The following DGKG variants were observed in gnomAD, a reference collection of about 807,000 sequenced individuals.
DGKG encodes diacylglycerol kinase gamma.
DGKG carries 78 observed loss-of-function variants against 105.3 expected under a neutral mutation model. The ratio of observed to expected loss-of-function variants is 0.74; its 90% CI spans 0.62 to 0.89. The LOEUF (loss-of-function observed/expected upper bound fraction) is 0.89. Ranked by LOEUF, DGKG falls within the 40% of genes least tolerant of loss-of-function variation. The probability of loss-of-function intolerance (pLI) is 0.00; values close to 1 mark genes in which losing one functional copy is unlikely to be tolerated. For missense variants in DGKG, 958 were observed against 1,020.1 expected (o/e 0.94, Z 0.83); for synonymous variants, 346 against 367.1 (o/e 0.94, Z 0.66).
intron 22 of DGKG, among the ~76,000 whole-genome samples, chr3:186,182,238 A>G (rs1395388237): frequency 1.3e-5 from 2 of 152,172 alleles, no homozygotes; most frequent in Non-Finnish European, 1.5e-5. Context: ...AATAGATGAA[A>G]TCCTGAAGCC....
chr3:186,235,143 AACATTCAAGTAATTAAG>A (rs1271707441), intron 20 of DGKG, among the ~76,000 whole-genome samples: 1 of 152,244 alleles, frequency 6.6e-6, no homozygotes, highest in African/African-American at 2.4e-5. Flanking sequence ...TTAGTATATA[AACATTCAAGTAATTAAG>A]TCAGTTGCTC....
chr3:186,302,175 T>C (rs1003315373), intron 3 of DGKG, among the ~76,000 whole-genome samples: 1 of 152,108 alleles, frequency 6.6e-6, no homozygotes, highest in African/African-American at 2.4e-5. Context: ...TAGTTGTTTG[T>C]GACAGACCTT....
chr3:186,267,756 A>T lies in DGKG; in HGVS notation c.1138T>A (p.Ser380Thr). 6.2e-7 allele frequency: 1 copy of T among 1,614,098 alleles called. No homozygotes were observed. Among genetic ancestry groups the T allele is most frequent in the Non-Finnish European group, 8.5e-7 (1 of 1,179,926 alleles). Residue 380 changes from serine to threonine, a missense_variant, in exon 13 of 25, where the codon TCA becomes ACA. By Grantham distance (58) the Ser-to-Thr change is moderately conservative. Around this residue, in one of 2 missense-constraint regions of DGKG, gnomAD observed 643 missense variants for 619.5 expected, o/e 1.04. Coordinates refer to ENST00000265022, the MANE Select transcript of DGKG (RefSeq NM_001346.3). ...AGTTCCCCACCGTCACACAACGTTG[A>T]TAATTCACATTTGCGGTGAAACTGG... ...RMTFHRKCEL[S>T]TLCDGGELRD... is the part of the protein sequence containing the mutation.
rs1177958964 is a variant in DGKG, at chr3:186,297,064, T to TCA, written c.373+356_373+357insTG. Among the ~76,000 whole-genome samples, 6 of 78,504 alleles carry TCA rather than the reference T, an allele frequency of 7.6e-5. No homozygotes were observed. The Admixed American group carries it at 8.3e-4, about 11-fold the overall frequency. 51.5% of individuals were successfully genotyped at this position (78,504 alleles called of 152,430 possible). On this transcript the variant is annotated intron_variant, in intron 5 of 24. Coordinates refer to ENST00000265022, the MANE Select transcript of DGKG (RefSeq NM_001346.3). ...ACCTCTCTCTGTCTGTCTGTCTGTC[T>TCA]CTCTCACACACACACACACACACAC...
chr3:186,273,633 A>G (rs1164929015), intron 10 of DGKG, among the ~76,000 whole-genome samples: 3 of 152,058 alleles, frequency 2.0e-5, no homozygotes, highest in Non-Finnish European at 4.4e-5. Flanking sequence ...TTGGCCTCCC[A>G]AAGTGCTGGG....
chr3:186,228,559 T>A (rs1204442312), intron 20 of DGKG, among the ~76,000 whole-genome samples: 1 of 152,142 alleles, frequency 6.6e-6, no homozygotes, highest in Non-Finnish European at 1.5e-5. Flanking sequence ...ACCAGCGAGA[T>A]CTGCTGCAAC....
chr3:186,271,985 G>A (rs977569507), intron 11 of DGKG, among the ~76,000 whole-genome samples: 5 of 152,146 alleles, frequency 3.3e-5, no homozygotes, highest in African/African-American at 4.8e-5. Flanking sequence ...TTACATGCCC[G>A]TCTCTCCTTC....
chr3:186,243,928 C>CTTTTTTTTTT (rs1720811766), intron 19 of DGKG, among the ~76,000 whole-genome samples: 2 of 70,744 alleles, frequency 2.8e-5, no homozygotes, highest in African/African-American at 1.1e-4. Flanking sequence ...TGGAGTTTTG[C>CTTTTTTTTTT]TCTTGTCGCC....
chr3:186,297,494 A>G lies in DGKG; in HGVS notation c.311-11T>C, dbSNP rs3819860. ...TCTGTATATTAGTATCTGAGGAAAA[A>G]AAAGAAGATTTAAAGACCAACCCAG... is the stretch of plus-strand genomic sequence containing the variant. On this transcript the variant is annotated splice_polypyrimidine_tract_variant and intron_variant, in intron 4 of 24. Coordinates refer to ENST00000265022, the MANE Select transcript of DGKG (RefSeq NM_001346.3). The G allele has an allele frequency of 0.58, 925,542 of 1,599,086 alleles. 271,577 individuals are homozygous for G. The highest frequency in any genetic ancestry group is 0.6 in the Non-Finnish European group (700,419 of 1,166,654).
At chr3:186,338,125 G>A (rs1049956707) in intron 1 of DGKG, among the ~76,000 whole-genome samples, 3 of 144,610 alleles carry the variant, frequency 2.1e-5, no homozygotes, top group Non-Finnish European at 3.0e-5. Context: ...AGCCAAGAAC[G>A]AGCCACTGCA....
chr3:186,261,156 A>T (rs1721754443), intron 15 of DGKG, among the ~76,000 whole-genome samples: 1 of 152,152 alleles, frequency 6.6e-6, no homozygotes, highest in African/African-American at 2.4e-5. Flanking sequence ...TTTAACCTGG[A>T]TTCCAGATCA....
chr3:186,267,892 G>T, intron 12 of DGKG, 115 bp from the exon 13 acceptor site: 2 of 878,562 alleles, frequency 2.3e-6, no homozygotes, highest in African/African-American at 1.6e-5. Context: ...AAATCCTGAT[G>T]CACTGCTGGC....
At position 186,319,160 on chromosome 3, in the gene DGKG, G is replaced by A. The variant is rs369061828; in HGVS notation, c.67+1233C>T. Among the ~76,000 whole-genome samples, 162 of 152,266 alleles carry A rather than the reference G, an allele frequency of 1.1e-3. 1 individual carries two copies. Among genetic ancestry groups the A allele is most frequent in the African/African-American group, 3.6e-3 (150 of 41,528 alleles). On this transcript the variant is annotated intron_variant, in intron 2 of 24. Coordinates refer to ENST00000265022, the MANE Select transcript of DGKG (RefSeq NM_001346.3). Reference sequence around the variant, plus strand: ...ATTAGAGTTTTTCTAAACCCATGGGGGTCAGATGAGAGACCACAGGCTCTA... The same window carrying A: ...ATTAGAGTTTTTCTAAACCCATGGGAGTCAGATGAGAGACCACAGGCTCTA...
chr3:186,252,336 A>T (rs1412829590), intron 18 of DGKG, among the ~76,000 whole-genome samples: 1 of 152,260 alleles, frequency 6.6e-6, no homozygotes, highest in Non-Finnish European at 1.5e-5. Context: ...CCCACCAAGC[A>T]TAGCTGATCA....
At chr3:186,278,645 G>A (rs1722694542) in intron 9 of DGKG, among the ~76,000 whole-genome samples, 1 of 152,180 alleles carries the variant, frequency 6.6e-6, no homozygotes, top group Admixed American at 6.5e-5. Flanking sequence ...AGCTTGGAAA[G>A]CACTGGACAT....
At chr3:186,188,649 T>C (rs1460048780) in intron 21 of DGKG, among the ~76,000 whole-genome samples, 1 of 152,138 alleles carries the variant, frequency 6.6e-6, no homozygotes, top group Non-Finnish European at 1.5e-5. Context: ...GGTCTAGAAG[T>C]GCTTTAGGGC....
chr3:186,328,466 G>T (rs1318994013), intron 1 of DGKG, among the ~76,000 whole-genome samples: 3 of 152,182 alleles, frequency 2.0e-5, no homozygotes, highest in Non-Finnish European at 4.4e-5. Context: ...GGGTGACGAG[G>T]TGATGTGGTA....
chr3:186,151,300 A>C (rs1715746884), intron 24 of DGKG, among the ~76,000 whole-genome samples: 1 of 152,250 alleles, frequency 6.6e-6, no homozygotes, highest in African/African-American at 2.4e-5. Flanking sequence ...CTATGAACTC[A>C]TTCTTGTGGT....
intron 21 of DGKG, chr3:186,207,389 AC>A: frequency 1.1e-6 from 1 of 929,464 alleles, no homozygotes; most frequent in Non-Finnish European, 1.3e-6. Flanking sequence ...TGATCTGATC[AC>A]TTGTAGGTTA....
Sources: gnomAD v4.1 joint callset for allele counts (sites outside exome capture counted in the v4.1 genomes callset) on GRCh38, gnomAD v4.1.1 for gene constraint, gnomAD v4.1.1 regional missense constraint, MANE v1.5 for transcripts, NCBI Gene and HGNC (gene_info 2026-07-23, HGNC 2026-07-21) for gene names.